The following ADORA2B variants were observed in gnomAD, a reference collection of about 807,000 sequenced individuals.
The protein encoded by ADORA2B is adenosine receptor A2b.
Under a neutral mutation model 20.8 loss-of-function variants are expected in ADORA2B, and 18 were observed. The observed-to-expected ratio is 0.87, with a 90% CI of 0.60 to 1.29. The LOEUF (loss-of-function observed/expected upper bound fraction) is 1.29. Ranked by LOEUF, ADORA2B falls within the 50% of genes most tolerant of loss-of-function variation. The pLI is 0.00. For synonymous variants in ADORA2B, 179 were observed against 178.3 expected (o/e 1.00, Z -0.03); for missense variants, 441 against 422.7 (o/e 1.04, Z -0.38).
At chr17:15,864,355 A>G in the ADORA2B span, among the ~76,000 whole-genome samples, 1 of 152,230 alleles carries the variant, frequency 6.6e-6, no homozygotes, top group African/African-American at 2.4e-5. Context: ...GCAGAGCTGC[A>G]TCTCCCTAGG....
At chr17:15,906,010 A>G in the ADORA2B span, among the ~76,000 whole-genome samples, 2 of 152,248 alleles carry the variant, frequency 1.3e-5, no homozygotes, top group Non-Finnish European at 2.9e-5. Context: ...ACCTGCATGT[A>G]AACCCTTTGG....
chr17:15,922,707 A>G, the ADORA2B span, among the ~76,000 whole-genome samples: 4 of 152,158 alleles, frequency 2.6e-5, no homozygotes, highest in Admixed American at 6.5e-5. Context: ...GTAAGTTTCA[A>G]ACATATACTT....
the ADORA2B span, among the ~76,000 whole-genome samples, chr17:15,921,415 T>G: frequency 2.0e-5 from 3 of 152,176 alleles, no homozygotes; most frequent in Non-Finnish European, 2.9e-5. Flanking sequence ...TTATCTCCTT[T>G]GAAAGTGAAA....
At chr17:15,913,211 T>TTTACACCCTGCACTCTGAGCTC in the ADORA2B span, among the ~76,000 whole-genome samples, 1 of 152,216 alleles carries the variant, frequency 6.6e-6, no homozygotes, top group Non-Finnish European at 1.5e-5. Flanking sequence ...AGGCTGTGCA[T>TTTACACCCTGCACTCTGAGCTC]TTACACCCTG....
At chr17:15,885,502 T>C in the ADORA2B span, among the ~76,000 whole-genome samples, 3 of 152,070 alleles carry the variant, frequency 2.0e-5, no homozygotes, top group African/African-American at 7.2e-5. Flanking sequence ...TCACTTGAGG[T>C]CAGGAGTTCG....
At chr17:15,962,325 C>CACAAA (rs747748190) in intron 1 of ADORA2B, among the ~76,000 whole-genome samples, 7 of 152,054 alleles carry the variant, frequency 4.6e-5, no homozygotes, top group African/African-American at 9.7e-5. Flanking sequence ...GACACAACAA[C>CACAAA]ACAAAACAAA....
chr17:15,852,135 T>C, the ADORA2B span, among the ~76,000 whole-genome samples: 1 of 152,364 alleles, frequency 6.6e-6, no homozygotes, highest in East Asian at 1.9e-4. Flanking sequence ...CTTTTTAGCT[T>C]TTTTATATGT....
At chr17:15,892,786 T>G in the ADORA2B span, among the ~76,000 whole-genome samples, 1 of 152,102 alleles carries the variant, frequency 6.6e-6, no homozygotes, top group Non-Finnish European at 1.5e-5. Context: ...TCCAACTGTG[T>G]CCTCAGTGGA....
At chr17:15,898,292 T>TTTAA in the ADORA2B span, among the ~76,000 whole-genome samples, 1 of 151,960 alleles carries the variant, frequency 6.6e-6, no homozygotes, top group Non-Finnish European at 1.5e-5. Context: ...ATTTTTTATT[T>TTTAA]TTATTTATTT....
the ADORA2B span, among the ~76,000 whole-genome samples, chr17:15,935,866 CT>C: frequency 1.2e-3 from 155 of 130,088 alleles, no homozygotes; most frequent in Middle Eastern, 7.9e-3. Flanking sequence ...TGTTATTGTA[CT>C]TTTTTTTTTT....
At chr17:15,957,059 G>A (rs1166607348) in intron 1 of ADORA2B, among the ~76,000 whole-genome samples, 1 of 152,218 alleles carries the variant, frequency 6.6e-6, no homozygotes, top group African/African-American at 2.4e-5. Context: ...GACGGGACAA[G>A]ATGATATAGG....
At chr17:15,866,738 T>C in the ADORA2B span, among the ~76,000 whole-genome samples, 2 of 146,042 alleles carry the variant, frequency 1.4e-5, no homozygotes, top group African/African-American at 2.8e-5. Flanking sequence ...CCGCTGCCTC[T>C]GCCTCTGCCG....
the ADORA2B span, among the ~76,000 whole-genome samples, chr17:15,920,471 C>G: frequency 6.6e-6 from 1 of 152,168 alleles, no homozygotes; most frequent in Non-Finnish European, 1.5e-5. Context: ...GCCTGTAATC[C>G]CAGCACTTTG....
intron 1 of ADORA2B, among the ~76,000 whole-genome samples, chr17:15,954,188 A>T (rs915091238): frequency 6.6e-6 from 1 of 152,116 alleles, no homozygotes; most frequent in African/African-American, 2.4e-5. Context: ...CATATTGGCC[A>T]GGCTGGTCTC....
At chr17:15,864,854 G>T in the ADORA2B span, among the ~76,000 whole-genome samples, 2 of 151,770 alleles carry the variant, frequency 1.3e-5, no homozygotes, top group African/African-American at 4.9e-5. Context: ...TGAGAGCACC[G>T]AAGAACAATA....
intron 1 of ADORA2B, among the ~76,000 whole-genome samples, chr17:15,955,720 C>CTTT (rs150614152): frequency 5.8e-5 from 7 of 119,934 alleles, no homozygotes; most frequent in Admixed American, 2.5e-4. Flanking sequence ...CTCTGGGATT[C>CTTT]TTTTTTTTTT....
chr17:15,874,424 A>AC, the ADORA2B span, among the ~76,000 whole-genome samples: 52 of 151,888 alleles, frequency 3.4e-4, 1 homozygote, highest in Admixed American at 2.8e-3. Flanking sequence ...ACAGTGGCTC[A>AC]CCCCTGTAAT....
the ADORA2B span, among the ~76,000 whole-genome samples, chr17:15,866,141 A>G: frequency 4.6e-5 from 7 of 152,094 alleles, no homozygotes; most frequent in Non-Finnish European, 8.8e-5. Flanking sequence ...GTCTCTTGAA[A>G]CACATATGTG....
Position 15,974,746 on chromosome 17 carries a change from G to C in ADORA2B, c.403G>C (p.Gly135Arg), listed in dbSNP as rs186847264. The C allele has an allele frequency of 9.3e-6, 15 of 1,614,136 alleles. No homozygotes were observed. Among genetic ancestry groups the C allele is most frequent in the African/African-American group, 4.0e-5 (3 of 75,032 alleles). Reference protein sequence around the residue: ...VIAVLWVLAFGIGLTPFLGWN... With the variant: ...VIAVLWVLAFRIGLTPFLGWN... ...TGCTGTCCTCTGGGTCCTTGCCTTTGGCATCGGATTGACTCCATTCCTGGG... is the reference window on the plus strand; with the variant it reads ...TGCTGTCCTCTGGGTCCTTGCCTTTCGCATCGGATTGACTCCATTCCTGGG... Residue 135 changes from glycine (G) to arginine (R), a missense_variant, in exon 2 of 2, where the codon GGC becomes CGC. Transcript: ENST00000304222.
Sources: gnomAD v4.1 joint callset for allele counts (sites outside exome capture counted in the v4.1 genomes callset) on GRCh38, gnomAD v4.1.1 for gene constraint, MANE v1.5 for transcripts, NCBI Gene and HGNC (gene_info 2026-07-23, HGNC 2026-07-21) for gene names.